The following ARL6IP6 variants were observed in gnomAD, a reference collection of about 807,000 sequenced individuals.
The protein encoded by ARL6IP6 is ARF like GTPase 6 interacting protein 6.
A neutral mutation model predicts 21.5 loss-of-function variants in ARL6IP6; 22 were observed. The observed-to-expected ratio is 1.02, with a 90% CI of 0.73 to 1.46. ARL6IP6 has a LOEUF of 1.46. Ranked by LOEUF, ARL6IP6 falls within the 40% of genes most tolerant of loss-of-function variation. The pLI is 0.00. For synonymous variants in ARL6IP6, 164 were observed against 125.3 expected (o/e 1.31, Z -2.06); for missense variants, 388 against 299.8 (o/e 1.29, Z -2.17).
rs2105206077 is a variant in ARL6IP6 at position 152,761,939 on chromosome 2, A to C, written c.*2099A>C. On this transcript the variant is annotated 3_prime_UTR_variant, in exon 4 of 4. Coordinates refer to ENST00000326446, the MANE Select transcript of ARL6IP6 (RefSeq NM_152522.7). The stretch of plus-strand genomic sequence containing the variant: ...TATATATTAATATAGATAAATATAG[A>C]GAGAGATGTATCCGTAAGATATTTT... Among the ~76,000 whole-genome samples, 1 of 152,286 alleles carries C rather than the reference A, an allele frequency of 6.6e-6. No homozygotes were observed. Among genetic ancestry groups the C allele is most frequent in the Non-Finnish European group, 1.5e-5 (1 of 68,022 alleles).
At chr2:152,724,967 ATAAT>A (rs2105095974) in intron 2 of ARL6IP6, among the ~76,000 whole-genome samples, 2 of 152,246 alleles carry the variant, frequency 1.3e-5, no homozygotes, top group South Asian at 4.1e-4. Flanking sequence ...CTTAGACCCT[ATAAT>A]TATCTACTGA....
intron 3 of ARL6IP6, among the ~76,000 whole-genome samples, chr2:152,742,289 T>C (rs537046533): frequency 6.6e-6 from 1 of 152,250 alleles, no homozygotes; most frequent in South Asian, 2.1e-4. Flanking sequence ...AATCGTGGGC[T>C]GGGCATGGTG....
chr2:152,731,653 G>A (rs546731606), intron 2 of ARL6IP6, among the ~76,000 whole-genome samples: 8 of 152,082 alleles, frequency 5.3e-5, no homozygotes, highest in Admixed American at 5.2e-4. Flanking sequence ...ATTTTGAATA[G>A]GTAGAATAGT....
intron 3 of ARL6IP6, among the ~76,000 whole-genome samples, chr2:152,756,321 A>G (rs1701591483): frequency 2.0e-5 from 3 of 152,216 alleles, no homozygotes; most frequent in South Asian, 2.1e-4. Flanking sequence ...AAAAATACAC[A>G]TTAATTTGAG....
chr2:152,749,335 A>ACACG (rs756515131), intron 3 of ARL6IP6, among the ~76,000 whole-genome samples: 1 of 149,206 alleles, frequency 6.7e-6, no homozygotes, highest in African/African-American at 2.5e-5. Flanking sequence ...ACACACACAC[A>ACACG]CGCACGCACG....
intron 1 of ARL6IP6, chr2:152,720,247 AAG>A (rs1389922569): frequency 2.3e-6 from 1 of 437,548 alleles, no homozygotes; most frequent in Non-Finnish European, 4.2e-6. Context: ...AGAATAGAGA[AAG>A]GAACTGAACT....
chr2:152,720,019 C>T, intron 1 of ARL6IP6: 1 of 451,594 alleles, frequency 2.2e-6, no homozygotes, highest in Non-Finnish European at 4.6e-6. Context: ...ACTGAATGTG[C>T]ATAAAATGCA....
At chr2:152,744,856 A>G (rs938110760) in intron 3 of ARL6IP6, among the ~76,000 whole-genome samples, 1 of 152,170 alleles carries the variant, frequency 6.6e-6, no homozygotes, top group African/African-American at 2.4e-5. Flanking sequence ...TTACAATGCA[A>G]TCTGGAATCT....
At chr2:152,759,609 C>CT (rs1256942881) in intron 3 of ARL6IP6, 138 bp from the exon 4 acceptor site, 2 of 642,006 alleles carry the variant, frequency 3.1e-6, no homozygotes, top group African/African-American at 3.7e-5. Flanking sequence ...GTCCAATATT[C>CT]TTTAAGTTTT....
chr2:152,726,351 T>C (rs1393360605), intron 2 of ARL6IP6, among the ~76,000 whole-genome samples: 3 of 95,444 alleles, frequency 3.1e-5, no homozygotes, highest in Non-Finnish European at 4.3e-5. Context: ...GTAACTGCTA[T>C]AGCTACCATG....
intron 2 of ARL6IP6, among the ~76,000 whole-genome samples, chr2:152,721,028 A>G (rs755926935): frequency 2.6e-5 from 4 of 152,184 alleles, no homozygotes; most frequent in Non-Finnish European, 4.4e-5. Flanking sequence ...GGGAAGTTCA[A>G]GGCTGCAGTG....
intron 3 of ARL6IP6, among the ~76,000 whole-genome samples, chr2:152,744,711 TTTC>T (rs1389541562): frequency 1.3e-5 from 2 of 152,278 alleles, no homozygotes; most frequent in East Asian, 1.9e-4. Flanking sequence ...CATCTTTCCA[TTTC>T]TTCTTCTTCC....
chr2:152,738,746 G>T (rs1700664893), intron 3 of ARL6IP6, among the ~76,000 whole-genome samples: 1 of 152,124 alleles, frequency 6.6e-6, no homozygotes, highest in Non-Finnish European at 1.5e-5. Flanking sequence ...GGGAGAGGCT[G>T]CTGGGAAGAC....
At chr2:152,725,858 T>G (rs552856042) in intron 2 of ARL6IP6, among the ~76,000 whole-genome samples, 1 of 152,244 alleles carries the variant, frequency 6.6e-6, no homozygotes, top group Non-Finnish European at 1.5e-5. Flanking sequence ...TTATTTCTTA[T>G]GAAAATTTTT....
chr2:152,717,926 C>G, upstream of ARL6IP6: 1 of 996,922 alleles, frequency 1.0e-6, no homozygotes, highest in Non-Finnish European at 1.2e-6. Flanking sequence ...GTGCTCGAGG[C>G]GGAGGGGAGG....
Position 152,761,693 on chromosome 2 carries a change from G to T in ARL6IP6, c.*1853G>T, listed in dbSNP as rs1701854096. 6.6e-6 allele frequency among the ~76,000 whole-genome samples: 1 copy of T among 152,096 alleles called. No homozygotes were observed. The highest frequency in any genetic ancestry group is 2.4e-5 in the African/African-American group (1 of 41,422). On this transcript the variant is annotated 3_prime_UTR_variant, in exon 4 of 4. Coordinates refer to ENST00000326446, the MANE Select transcript of ARL6IP6 (RefSeq NM_152522.7). ...TAGATACACAAATATTTACCATTGT[G>T]TTACAGTTGCCTGCAATATTCAGTA... is the stretch of plus-strand genomic sequence containing the variant.
In ARL6IP6 at chr2:152,721,307, T is replaced by C. The variant is rs570729262; in HGVS notation, c.454+721T>C. 1.6e-4 allele frequency among the ~76,000 whole-genome samples: 24 copies of C among 152,054 alleles called. 1 individual carries two copies. The East Asian group carries it at 4.6e-3, about 29-fold the overall frequency. On this transcript the variant is annotated intron_variant, in intron 2 of 3. Coordinates refer to ENST00000326446, the MANE Select transcript of ARL6IP6 (RefSeq NM_152522.7). ...TAGCAAAGGTAAATAATGTCTTATG[T>C]AGGCTTCAGGAGGAATTTAAGTTCA...
chr2:152,742,468 T>A (rs1331426196), intron 3 of ARL6IP6, among the ~76,000 whole-genome samples: 1 of 150,888 alleles, frequency 6.6e-6, no homozygotes, highest in Non-Finnish European at 1.5e-5. Flanking sequence ...ACTGGGAGGC[T>A]GAGGCAGAAG....
intron 3 of ARL6IP6, among the ~76,000 whole-genome samples, chr2:152,744,702 A>G (rs1357559866): frequency 1.3e-5 from 2 of 152,132 alleles, no homozygotes; most frequent in East Asian, 3.8e-4. Flanking sequence ...TGAATTATCC[A>G]TCTTTCCATT....
Sources: allele counts gnomAD v4.1 joint callset (sites outside exome capture counted in the v4.1 genomes callset), GRCh38; gene constraint gnomAD v4.1.1; transcripts MANE v1.5; gene names NCBI Gene and HGNC (gene_info 2026-07-23, HGNC 2026-07-21).